Variants in TXNRD1 observed in about 807,000 individuals in gnomAD.
TXNRD1 encodes the protein thioredoxin reductase 1, also known as thioredoxin reductase 1, cytoplasmic.
A neutral mutation model predicts 80.3 loss-of-function variants in TXNRD1; 57 were observed. That is an observed-to-expected ratio of 0.71 (90% CI 0.57 to 0.89). The LOEUF (loss-of-function observed/expected upper bound fraction) is 0.89, where lower values mean the gene tolerates loss of function less well. Among genes scored for constraint, TXNRD1 ranks in the 40% least tolerant of loss-of-function variants. The pLI is 0.00. For synonymous variants in TXNRD1, 291 were observed against 285.2 expected (o/e 1.02, Z -0.20); for missense variants, 730 against 803.0 (o/e 0.91, Z 1.10).
intron 1 of TXNRD1, among the ~76,000 whole-genome samples, chr12:104,240,988 G>T (rs1168451056): frequency 1.3e-5 from 2 of 151,458 alleles, no homozygotes; most frequent in Non-Finnish European, 2.9e-5. Context: ...TGATCCGCCC[G>T]CCTCGGCCTC....
Position 104,331,443 on chromosome 12 carries a change from A to G in TXNRD1, c.1543-91A>G, listed in dbSNP as rs183105497. The G allele has an allele frequency of 4.6e-4, 335 of 733,692 alleles. 2 individuals are homozygous for G. In the African/African-American group the frequency reaches 5.9e-3, roughly 13 times the overall value. The allele number at this position is 733,692 out of a possible 1,614,324, so 45.4% of individuals were successfully genotyped here. Reference sequence around the variant, plus strand: ...ACTTTGGTAGAAATTTATTACTCTTATATCCTTTGTCAATTTTGACTTTTT... The same window carrying G: ...ACTTTGGTAGAAATTTATTACTCTTGTATCCTTTGTCAATTTTGACTTTTT... On this transcript the variant is annotated intron_variant, in intron 13 of 16. Transcript: ENST00000525566.
intron 2 of TXNRD1, among the ~76,000 whole-genome samples, chr12:104,253,636 C>T (rs1396789547): frequency 1.3e-5 from 2 of 152,126 alleles, no homozygotes; most frequent in Non-Finnish European, 2.9e-5. Flanking sequence ...CACCGCCTGC[C>T]ACTTCCTTTT....
Position 104,215,828 on chromosome 12 carries a change from T to C in TXNRD1, c.26T>C (p.Val9Ala), listed in dbSNP as rs1330075052. 5 of 1,562,644 alleles carry C rather than the reference T, an allele frequency of 3.2e-6. No homozygotes were observed. The African/African-American group carries it at 6.8e-5, about 21-fold the overall frequency. Residue 9 changes from valine (V) to alanine (A), a missense_variant, in exon 1 of 17, where the codon GTG becomes GCG. Physicochemically the swap from Val to Ala is moderately conservative, Grantham distance 64 (BLOSUM62 0). Transcript: ENST00000525566. MGCAEGKA[V>A]AAAAPTELQT... The stretch of plus-strand genomic sequence containing the variant: ...ATGGGCTGCGCCGAGGGCAAGGCAG[T>C]GGCGGCGGCCGCCCCAACGGAGCTG...
intron 14 of TXNRD1, among the ~76,000 whole-genome samples, chr12:104,333,411 T>G (rs1303209370): frequency 1.3e-5 from 2 of 152,152 alleles, no homozygotes; most frequent in Non-Finnish European, 2.9e-5. Flanking sequence ...AACAATTACT[T>G]ATGGAGTTAG....
intron 5 of TXNRD1, among the ~76,000 whole-genome samples, chr12:104,311,627 G>A (rs984203157): frequency 2.6e-5 from 4 of 152,182 alleles, no homozygotes; most frequent in Admixed American, 2.6e-4. Flanking sequence ...TAAAGTATAG[G>A]GCCCAGTATT....
At chr12:104,285,660 T>C (rs964066100) in intron 3 of TXNRD1, among the ~76,000 whole-genome samples, 64 of 152,348 alleles carry the variant, frequency 4.2e-4, no homozygotes, top group Admixed American at 7.8e-4. Flanking sequence ...ATTTTCAATA[T>C]ATTTCTAAGA....
intron 4 of TXNRD1, among the ~76,000 whole-genome samples, chr12:104,298,598 C>A (rs1055693245): frequency 6.6e-6 from 1 of 152,042 alleles, no homozygotes; most frequent in African/African-American, 2.4e-5. Context: ...GTGGCACACA[C>A]GTGTAATCCC....
chr12:104,304,586 GA>G, intron 4 of TXNRD1: 1 of 1,613,946 alleles, frequency 6.2e-7, no homozygotes, highest in African/African-American at 1.3e-5. Context: ...AGAAGCGACA[GA>G]AAAAAACGTA....
intron 2 of TXNRD1, among the ~76,000 whole-genome samples, chr12:104,253,998 G>T (rs562633810): frequency 1.3e-5 from 2 of 152,128 alleles, no homozygotes; most frequent in Middle Eastern, 3.4e-3. Flanking sequence ...CAGCCTGAGG[G>T]TTTTCTTAGT....
intron 3 of TXNRD1, among the ~76,000 whole-genome samples, chr12:104,276,000 G>A (rs1182674626): frequency 2.0e-5 from 3 of 152,200 alleles, no homozygotes; most frequent in Admixed American, 1.3e-4. Context: ...CACACAGTTT[G>A]CCAGCAGAAA....
chr12:104,256,794 AAAAGAAAAAG>A (rs1473170794), intron 2 of TXNRD1, among the ~76,000 whole-genome samples: 1 of 142,654 alleles, frequency 7.0e-6, no homozygotes, highest in Admixed American at 6.9e-5. Flanking sequence ...AAAAAAAAGA[AAAAGAAAAAG>A]AAAGAAAAAG....
chr12:104,274,461 C>G (rs544242880), intron 3 of TXNRD1, among the ~76,000 whole-genome samples: 1 of 151,876 alleles, frequency 6.6e-6, no homozygotes. Context: ...TTTGGGAGGC[C>G]GAGGCGGGTG....
At chr12:104,257,879 T>C in intron 2 of TXNRD1, 140 bp from the exon 3 acceptor site, 1 of 647,776 alleles carries the variant, frequency 1.5e-6, no homozygotes, top group Non-Finnish European at 2.7e-6. Flanking sequence ...GAGAATCTTA[T>C]GGGTTACATA....
At position 104,303,808 on chromosome 12, in the gene TXNRD1, A is replaced by G. The variant is rs572280235; in HGVS notation, c.415-7482A>G. On this transcript the variant is annotated intron_variant, in intron 4 of 16. Coordinates refer to ENST00000525566, the MANE Select transcript of TXNRD1 (RefSeq NM_001093771.3). ...CTGGGAGGGCCGTTACCTCAGAGAT[A>G]CCCGTGGCCGGCATGTTGGTTGAAA... 2.5e-5 allele frequency: 34 copies of G among 1,381,972 alleles called. 1 individual carries two copies. In the South Asian group the frequency reaches 4.8e-4, roughly 20 times the overall value. 85.6% of individuals were successfully genotyped at this position (1,381,972 alleles called of 1,614,324 possible). A position where few individuals can be genotyped will look rare whatever the true frequency, so the allele number is the denominator to read the frequency against.
chr12:104,286,741 T>C, intron 3 of TXNRD1: 1 of 1,020,524 alleles, frequency 9.8e-7, no homozygotes, highest in Non-Finnish European at 1.2e-6. Context: ...TAGGGCATAG[T>C]CTAATTTCTT....
At chr12:104,302,871 A>G (rs2034696746) in intron 4 of TXNRD1, among the ~76,000 whole-genome samples, 1 of 152,192 alleles carries the variant, frequency 6.6e-6, no homozygotes, top group Non-Finnish European at 1.5e-5. Flanking sequence ...TTGAGTTTCC[A>G]GTGACCCCAT....
chr12:104,323,818 C>A (rs1172548582), intron 10 of TXNRD1, among the ~76,000 whole-genome samples: 2 of 144,306 alleles, frequency 1.4e-5, no homozygotes, highest in Non-Finnish European at 3.1e-5. Flanking sequence ...TGACCCCCCC[C>A]CACCTCCCTC....
At chr12:104,340,312 A>G (rs1034449971) in intron 16 of TXNRD1, among the ~76,000 whole-genome samples, 1 of 152,234 alleles carries the variant, frequency 6.6e-6, no homozygotes, top group Non-Finnish European at 1.5e-5. Flanking sequence ...TGTGCAATAG[A>G]TCTTTTATTC....
intron 15 of TXNRD1, among the ~76,000 whole-genome samples, chr12:104,337,162 G>A (rs34518697): frequency 0.071 from 10,860 of 151,920 alleles, 731 homozygotes; most frequent in African/African-American, 0.16. Context: ...ATTATTACAT[G>A]GAAATCTATT....
Sources: gnomAD v4.1 joint callset for allele counts (sites outside exome capture counted in the v4.1 genomes callset) on GRCh38, gnomAD v4.1.1 for gene constraint, MANE v1.5 for transcripts, NCBI Gene and HGNC (gene_info 2026-07-23, HGNC 2026-07-21) for gene names.